AMBRA1: variants seen among roughly 807,000 people sequenced by gnomAD.
The protein encoded by AMBRA1 is activating molecule in BECN1-regulated autophagy protein 1.
A neutral mutation model predicts 125.4 loss-of-function variants in AMBRA1; 47 were observed. That is an observed-to-expected ratio of 0.37 (90% CI 0.30 to 0.48). The LOEUF (loss-of-function observed/expected upper bound fraction) is 0.48, where lower values mean the gene tolerates loss of function less well. Among genes scored for constraint, AMBRA1 ranks in the 20% least tolerant of loss-of-function variants. The pLI, the probability that AMBRA1 is intolerant of heterozygous loss-of-function variation, is 0.99. For missense variants in AMBRA1, 1,331 were observed against 1,693.4 expected, an observed-to-expected ratio of 0.79 and a Z score of 3.76; for synonymous variants, 626 against 655.5, an observed-to-expected ratio of 0.95 and a Z score of 0.69.
At chr11:46,567,315 A>G (rs573112498) in intron 1 of AMBRA1, among the ~76,000 whole-genome samples, 1 of 152,068 alleles carries the variant, frequency 6.6e-6, no homozygotes, top group African/African-American at 2.4e-5. Flanking sequence ...CTGGAGATCC[A>G]CCCACCTCAG....
intron 11 of AMBRA1, among the ~76,000 whole-genome samples, chr11:46,468,713 G>A (rs1949439098): frequency 6.6e-6 from 1 of 151,624 alleles, no homozygotes; most frequent in African/African-American, 2.4e-5. Flanking sequence ...TCAGGAGGCT[G>A]AGGCAGGAGA....
intron 14 of AMBRA1, chr11:46,428,573 A>T: frequency 9.1e-7 from 1 of 1,101,130 alleles, no homozygotes; most frequent in Non-Finnish European, 1.3e-6. Flanking sequence ...GATCTTTTCC[A>T]CTTCTTCTTC....
At chr11:46,544,623 C>G (rs1181559306) in intron 5 of AMBRA1, among the ~76,000 whole-genome samples, 1 of 152,202 alleles carries the variant, frequency 6.6e-6, no homozygotes, top group Non-Finnish European at 1.5e-5. Flanking sequence ...TTGATAAACA[C>G]AGACAACCCA....
At position 46,397,213 on chromosome 11, in the gene AMBRA1, C is replaced by T; in HGVS notation, c.*237G>A. The T allele has an allele frequency of 2.3e-6, 1 of 431,384 alleles. No homozygotes were observed. The highest frequency in any genetic ancestry group is 3.9e-6 in the Non-Finnish European group (1 of 256,180). The allele number at this position is 431,384 out of a possible 1,614,324, so 26.7% of individuals were successfully genotyped here. ...CACTTGTTCCTCTATTCACATTAAG[C>T]CCACAGTGTGGCTCTCCCGGGCTCC... On this transcript the variant is annotated 3_prime_UTR_variant, in exon 18 of 18. Transcript: ENST00000683756.
chr11:46,541,939 G>A lies in AMBRA1; in HGVS notation c.2072+6C>T. 6.2e-7 allele frequency: 1 copy of A among 1,603,474 alleles called. No individual in the cohort carries two copies. Among genetic ancestry groups the A allele is most frequent in the South Asian group, 1.1e-5 (1 of 88,902 alleles). ...GGATGCAGAAGATAGGAAAGCGACT[G>A]CTTACCTCCTGAGTGAATCCTCCTC... On this transcript the variant is annotated splice_donor_region_variant and intron_variant, in intron 7 of 17. Transcript: ENST00000683756.
chr11:46,495,116 A>G (rs1950587371), intron 9 of AMBRA1: 1 of 152,266 alleles, frequency 6.6e-6, no homozygotes, highest in Non-Finnish European at 1.5e-5. Context: ...ACAAGAGAAG[A>G]GGAAAGGAGC....
intron 11 of AMBRA1, among the ~76,000 whole-genome samples, chr11:46,492,780 TG>T: frequency 6.6e-6 from 1 of 152,350 alleles, no homozygotes; most frequent in Non-Finnish European, 1.5e-5. Flanking sequence ...CCAGGCACAG[TG>T]GCTCACGCCT....
intron 6 of AMBRA1, among the ~76,000 whole-genome samples, chr11:46,543,753 G>A (rs1952865772): frequency 6.6e-6 from 1 of 152,164 alleles, no homozygotes; most frequent in Non-Finnish European, 1.5e-5. Flanking sequence ...GATGATAAGG[G>A]TTACTTCTAA....
chr11:46,576,244 C>T (rs1259837437), intron 1 of AMBRA1, among the ~76,000 whole-genome samples: 2 of 152,176 alleles, frequency 1.3e-5, no homozygotes, highest in Non-Finnish European at 2.9e-5. Context: ...CTATTGATTA[C>T]TGCTTTGTGA....
At chr11:46,587,425 A>C (rs2044442880) in intron 1 of AMBRA1, among the ~76,000 whole-genome samples, 1 of 152,176 alleles carries the variant, frequency 6.6e-6, no homozygotes, top group African/African-American at 2.4e-5. Context: ...CATGCTAGAT[A>C]TTTATAAGTC....
At position 46,397,534 on chromosome 11, in the gene AMBRA1, C is replaced by T; in HGVS notation, c.3813G>A (p.Glu1271=). The part of the protein sequence containing the change: ...PSAEGPTLHC[E]LTNNNHLLDG... ...CCAGAAGGTGGTTGTTATTGGTCAA[C>T]TCGCAGTGGAGGGTTGGTCCCTCAG... Residue 1271 remains glutamate, a synonymous_variant, in exon 18 of 18, where the codon GAG becomes GAA. Transcript: ENST00000683756. 1.3e-6 allele frequency: 2 copies of T among 1,547,454 alleles called. No individual in the cohort carries two copies. Among genetic ancestry groups the T allele is most frequent in the Non-Finnish European group, 1.7e-6 (2 of 1,144,314 alleles).
At chr11:46,487,478 T>C (rs1318466222) in intron 11 of AMBRA1, among the ~76,000 whole-genome samples, 5 of 152,140 alleles carry the variant, frequency 3.3e-5, no homozygotes, top group African/African-American at 4.8e-5. Flanking sequence ...TGAGAAAAGA[T>C]TGTATTAATC....
rs1951188400 is a variant in AMBRA1, at chr11:46,509,739, T to C, written c.2160-1369A>G. ...ATATACTAAAATATGTTGCTGTTAC[T>C]AGGCAAAAAAAACTATAAGGGAACA... On this transcript the variant is annotated intron_variant, in intron 8 of 17. Coordinates refer to ENST00000683756, the MANE Select transcript of AMBRA1 (RefSeq NM_001387011.1). Among the ~76,000 whole-genome samples the C allele has an allele frequency of 2.6e-5, 4 of 152,050 alleles. No individual in the cohort carries two copies. The South Asian group carries it at 8.3e-4, about 31-fold the overall frequency.
chr11:46,418,267 TATA>T (rs1005269028), intron 14 of AMBRA1, among the ~76,000 whole-genome samples: 34 of 144,570 alleles, frequency 2.4e-4, no homozygotes, highest in East Asian at 7.8e-4. Context: ...ATTATTTATA[TATA>T]ATATGTTTTA....
chr11:46,480,098 C>A (rs1240402459), intron 11 of AMBRA1, among the ~76,000 whole-genome samples: 1 of 152,172 alleles, frequency 6.6e-6, no homozygotes, highest in African/African-American at 2.4e-5. Flanking sequence ...AGCACCTTGA[C>A]TGACCCTTCT....
intron 14 of AMBRA1, among the ~76,000 whole-genome samples, chr11:46,427,375 A>G (rs769256719): frequency 2.0e-5 from 3 of 152,236 alleles, no homozygotes; most frequent in Non-Finnish European, 4.4e-5. Flanking sequence ...ACCCAACGGT[A>G]TAAAAGAAAG....
At chr11:46,413,616 G>A (rs1453694951) in intron 15 of AMBRA1, among the ~76,000 whole-genome samples, 1 of 151,864 alleles carries the variant, frequency 6.6e-6, no homozygotes, top group Non-Finnish European at 1.5e-5. Context: ...TCAGCCTCCC[G>A]AGTAGCTGGG....
chr11:46,545,171 G>T (rs866896183), intron 5 of AMBRA1, among the ~76,000 whole-genome samples: 14 of 140,834 alleles, frequency 9.9e-5, no homozygotes, highest in East Asian at 2.1e-4. Flanking sequence ...CGGGGGGGGG[G>T]GGGTGGTGGT....
intron 1 of AMBRA1, among the ~76,000 whole-genome samples, chr11:46,553,293 A>G (rs886176785): frequency 6.6e-6 from 1 of 152,178 alleles, no homozygotes; most frequent in Non-Finnish European, 1.5e-5. Context: ...AAAGCCAAAC[A>G]ATAATTGGCT....
Sources: allele counts gnomAD v4.1 joint callset (sites outside exome capture counted in the v4.1 genomes callset), GRCh38; gene constraint gnomAD v4.1.1; transcripts MANE v1.5; gene names NCBI Gene and HGNC (gene_info 2026-07-23, HGNC 2026-07-21).